LHFPL3: variants seen among roughly 807,000 people sequenced by gnomAD.
The protein encoded by LHFPL3 is LHFPL tetraspan subfamily member 3.
In LHFPL3, 5 loss-of-function variants were observed where a neutral mutation model predicts 19.3. The observed-to-expected ratio is 0.26, with a 90% CI of 0.14 to 0.54. The LOEUF (loss-of-function observed/expected upper bound fraction) is 0.54. Among genes scored for constraint, LHFPL3 ranks in the 20% least tolerant of loss-of-function variants. LHFPL3 has a pLI of 0.94. For missense variants in LHFPL3, 249 were observed against 307.4 expected (o/e 0.81, Z 1.42); for synonymous variants, 133 against 126.2 (o/e 1.05, Z -0.36).
At chr7:104,573,150 T>A (rs1179944852) in intron 1 of LHFPL3, among the ~76,000 whole-genome samples, 2 of 152,176 alleles carry the variant, frequency 1.3e-5, no homozygotes, top group Non-Finnish European at 2.9e-5. Flanking sequence ...CAGTGGCTCA[T>A]GCCTGTAATC....
intron 1 of LHFPL3, among the ~76,000 whole-genome samples, chr7:104,450,990 A>G (rs1424232083): frequency 6.6e-6 from 1 of 152,114 alleles, no homozygotes; most frequent in Non-Finnish European, 1.5e-5. Context: ...ACCGTCCTCA[A>G]CTTCTTCCCT....
chr7:104,530,838 C>T (rs1794280655), intron 1 of LHFPL3, among the ~76,000 whole-genome samples: 1 of 152,174 alleles, frequency 6.6e-6, no homozygotes, highest in Non-Finnish European at 1.5e-5. Flanking sequence ...ACCATGCAAG[C>T]AAGTCCACTT....
chr7:104,695,913 A>C (rs913714668), intron 1 of LHFPL3, among the ~76,000 whole-genome samples: 1 of 152,084 alleles, frequency 6.6e-6, no homozygotes, highest in Non-Finnish European at 1.5e-5. Flanking sequence ...CCTTTGTCAG[A>C]TTATTTGAAT....
In LHFPL3 at chr7:104,728,762, A is replaced by G. The variant is rs571965581; in HGVS notation, c.446-7913A>G. Among the ~76,000 whole-genome samples the G allele has an allele frequency of 7.1e-4, 108 of 152,242 alleles. 1 individual carries two copies. The highest frequency in any genetic ancestry group is 1.3e-3 in the Non-Finnish European group (89 of 68,024). On this transcript the variant is annotated intron_variant, in intron 1 of 2. Transcript: ENST00000424859. ...TTTTCGCCTCTTCTCCTGACAAAACATTAGCTCCATAATAACATAAACCAT... is the reference window on the plus strand; with the variant it reads ...TTTTCGCCTCTTCTCCTGACAAAACGTTAGCTCCATAATAACATAAACCAT...
At chr7:104,686,411 C>T (rs578079705) in intron 1 of LHFPL3, among the ~76,000 whole-genome samples, 1 of 152,200 alleles carries the variant, frequency 6.6e-6, no homozygotes, top group Non-Finnish European at 1.5e-5. Flanking sequence ...AAAGGACAGA[C>T]AGCTGGCAGA....
chr7:104,783,705 C>A (rs942492140), intron 2 of LHFPL3, among the ~76,000 whole-genome samples: 16 of 152,120 alleles, frequency 1.1e-4, no homozygotes, highest in Admixed American at 9.8e-4. Flanking sequence ...CTACCTAAAT[C>A]CCTGAAAATA....
chr7:104,897,295 T>C (rs1308865381), intron 2 of LHFPL3, among the ~76,000 whole-genome samples: 1 of 152,150 alleles, frequency 6.6e-6, no homozygotes, highest in African/African-American at 2.4e-5. Context: ...GCCGTGGGTG[T>C]GTGTGCTTAT....
chr7:104,736,615 A>G, intron 1 of LHFPL3, 60 bp from the exon 2 acceptor site: 1 of 1,116,536 alleles, frequency 9.0e-7, no homozygotes, highest in Non-Finnish European at 1.3e-6. Flanking sequence ...ACATTTGCTA[A>G]GTTAAAATTT....
At chr7:104,628,947 C>T (rs1485754582) in intron 1 of LHFPL3, among the ~76,000 whole-genome samples, 1 of 152,174 alleles carries the variant, frequency 6.6e-6, no homozygotes, top group Non-Finnish European at 1.5e-5. Flanking sequence ...TGCCTCAGCA[C>T]TGGTCCTATC....
At chr7:104,903,005 C>T (rs1792521507) in intron 2 of LHFPL3, among the ~76,000 whole-genome samples, 2 of 152,210 alleles carry the variant, frequency 1.3e-5, no homozygotes, top group South Asian at 4.2e-4. Flanking sequence ...TGTAAGAGAG[C>T]TGAGGATCTT....
At chr7:104,614,652 TC>T (rs1337234480) in intron 1 of LHFPL3, among the ~76,000 whole-genome samples, 101 of 67,476 alleles carry the variant, frequency 1.5e-3, no homozygotes, top group African/African-American at 3.8e-3. Flanking sequence ...TCTTCTCTTC[TC>T]TCCTTCCTTC....
At chr7:104,732,226 G>A (rs1295228866) in intron 1 of LHFPL3, among the ~76,000 whole-genome samples, 4 of 152,086 alleles carry the variant, frequency 2.6e-5, no homozygotes, top group South Asian at 2.1e-4. Flanking sequence ...TATCAGGATG[G>A]TGCTGGCCTC....
intron 1 of LHFPL3, among the ~76,000 whole-genome samples, chr7:104,715,222 A>G (rs1343986611): frequency 6.6e-6 from 1 of 152,104 alleles, no homozygotes; most frequent in Admixed American, 6.6e-5. Flanking sequence ...CAAAAACTAT[A>G]TATGTGTATG....
chr7:104,660,442 TC>T (rs1219953736), intron 1 of LHFPL3, among the ~76,000 whole-genome samples: 5 of 152,380 alleles, frequency 3.3e-5, no homozygotes, highest in African/African-American at 1.2e-4. Flanking sequence ...GATTTTTTCC[TC>T]AGTCTGCATG....
chr7:104,519,112 C>T (rs1484841255), intron 1 of LHFPL3, among the ~76,000 whole-genome samples: 1 of 152,130 alleles, frequency 6.6e-6, no homozygotes, highest in South Asian at 2.1e-4. Flanking sequence ...CATACTAAAG[C>T]TCATTTCAGT....
chr7:104,670,209 C>T (rs988718050), intron 1 of LHFPL3, among the ~76,000 whole-genome samples: 6 of 150,880 alleles, frequency 4.0e-5, no homozygotes, highest in Non-Finnish European at 8.8e-5. Flanking sequence ...GAATGGGACT[C>T]ATTGGACCAA....
At chr7:104,557,281 G>T (rs2115929705) in intron 1 of LHFPL3, among the ~76,000 whole-genome samples, 1 of 152,260 alleles carries the variant, frequency 6.6e-6, no homozygotes, top group Middle Eastern at 3.4e-3. Flanking sequence ...AAACTGAGAA[G>T]AAAAAGAGGT....
chr7:104,886,207 ACATAT>A (rs1246149385), intron 2 of LHFPL3, among the ~76,000 whole-genome samples: 3 of 152,222 alleles, frequency 2.0e-5, no homozygotes, highest in Non-Finnish European at 4.4e-5. Flanking sequence ...ATAGTGCCTA[ACATAT>A]CATATATGCT....
At chr7:104,411,884 C>T (rs727789) in intron 1 of LHFPL3, among the ~76,000 whole-genome samples, 3,477 of 152,178 alleles carry the variant, frequency 0.023, 132 homozygotes, top group African/African-American at 0.079. Flanking sequence ...ACATACCAAG[C>T]AAGTAGCAAT....
Sources: gnomAD v4.1 joint callset for allele counts (sites outside exome capture counted in the v4.1 genomes callset) on GRCh38, gnomAD v4.1.1 for gene constraint, MANE v1.5 for transcripts, NCBI Gene and HGNC (gene_info 2026-07-23, HGNC 2026-07-21) for gene names.